The following PSMB7 variants were observed in gnomAD, a reference collection of about 807,000 sequenced individuals.
PSMB7 encodes the protein proteasome 20S subunit beta 7.
Under a neutral mutation model 28.1 loss-of-function variants are expected in PSMB7, and 5 were observed. The ratio of observed to expected loss-of-function variants is 0.18; its 90% CI spans 0.09 to 0.37. The LOEUF (loss-of-function observed/expected upper bound fraction) is 0.37. PSMB7 is among the 10% of genes least tolerant of loss of function. PSMB7 has a pLI of 1.00. For missense variants in PSMB7, 275 were observed against 346.2 expected, an observed-to-expected ratio of 0.79 and a Z score of 1.63; for synonymous variants, 122 against 123.7, an observed-to-expected ratio of 0.99 and a Z score of 0.09.
chr9:124,369,902 G>T (rs981668378), intron 6 of PSMB7, among the ~76,000 whole-genome samples: 1 of 152,156 alleles, frequency 6.6e-6, no homozygotes, highest in Non-Finnish European at 1.5e-5. Context: ...CCACTGTATG[G>T]GTACCGTTCT....
intron 6 of PSMB7, among the ~76,000 whole-genome samples, chr9:124,379,054 A>G (rs1337512979): frequency 6.6e-6 from 1 of 152,216 alleles, no homozygotes; most frequent in Non-Finnish European, 1.5e-5. Flanking sequence ...AACCTCTCAT[A>G]TAACTGACCC....
At chr9:124,410,284 G>T (rs751026416) in intron 4 of PSMB7, among the ~76,000 whole-genome samples, 5 of 152,052 alleles carry the variant, frequency 3.3e-5, no homozygotes, top group African/African-American at 4.8e-5. Flanking sequence ...ATGAGCCACC[G>T]CGCCCAGCCG....
At position 124,412,392 on chromosome 9, in the gene PSMB7, C is replaced by T; in HGVS notation, c.355G>A (p.Val119Ile). The change falls in exon 4 of 8, where the codon GTT (valine) becomes ATT (isoleucine). Residue 119 changes from valine (V) to isoleucine (I), a missense_variant. Val to Ile is a conservative substitution (Grantham distance 29, BLOSUM62 3). Coordinates refer to ENST00000259457, the MANE Select transcript of PSMB7 (RefSeq NM_002799.4). Reference protein sequence around the residue: ...HSLSTGRLPRVVTANRMLKQM... With the variant: ...HSLSTGRLPRIVTANRMLKQM... ...TTCAGCATCCGATTGGCTGTCACAA[C>T]TCTGGGAAGACGGCCAGTGGAGAGG... The T allele has an allele frequency of 3.1e-6, 5 of 1,614,196 alleles. No individual in the cohort carries two copies. The highest frequency in any genetic ancestry group is 4.2e-6 in the Non-Finnish European group (5 of 1,180,018).
At chr9:124,404,018 A>G (rs1483488531) in intron 5 of PSMB7, among the ~76,000 whole-genome samples, 1 of 151,864 alleles carries the variant, frequency 6.6e-6, no homozygotes, top group African/African-American at 2.4e-5. Context: ...CAGGCTCCCA[A>G]GCAACTGGGA....
chr9:124,354,222 A>G (rs542442223), intron 7 of PSMB7, among the ~76,000 whole-genome samples: 2 of 152,366 alleles, frequency 1.3e-5, no homozygotes, highest in South Asian at 2.1e-4. Context: ...ACCACTCTCA[A>G]GTCTCAAGAA....
chr9:124,365,437 G>A (rs1010702774), intron 6 of PSMB7, among the ~76,000 whole-genome samples: 2 of 152,204 alleles, frequency 1.3e-5, no homozygotes, highest in African/African-American at 4.8e-5. Context: ...GGAGAAAGGT[G>A]TGGTCGAGTA....
chr9:124,400,039 C>T (rs2131173750), intron 5 of PSMB7, among the ~76,000 whole-genome samples: 1 of 152,278 alleles, frequency 6.6e-6, no homozygotes, highest in East Asian at 1.9e-4. Flanking sequence ...AAACTCCCAA[C>T]ATCCATCCCT....
At chr9:124,391,786 A>C (rs1318855425) in intron 5 of PSMB7, among the ~76,000 whole-genome samples, 1 of 152,212 alleles carries the variant, frequency 6.6e-6, no homozygotes, top group African/African-American at 2.4e-5. Context: ...GAAATCTGAA[A>C]TTTTACAATC....
At chr9:124,414,141 A>C (rs1831060137) in intron 2 of PSMB7, 136 bp from the exon 3 acceptor site, 1 of 573,596 alleles carries the variant, frequency 1.7e-6, no homozygotes, top group Non-Finnish European at 3.1e-6. Flanking sequence ...ACTCATAGCA[A>C]AAATATTGTG....
chr9:124,356,314 G>GCACA lies in PSMB7; in HGVS notation c.722+446_722+449dup, dbSNP rs142329076. Among the ~76,000 whole-genome samples the GCACA allele has an allele frequency of 6.6e-6, 1 of 152,196 alleles. No homozygotes were observed. The highest frequency in any genetic ancestry group is 1.5e-5 in the Non-Finnish European group (1 of 68,024). ...CAATGGCACAACTCCCTGTAGCACA[G>GCACA]CACACACACACTAGCTCCCAAGGCC... On this transcript the variant is annotated intron_variant, in intron 7 of 7. Coordinates refer to ENST00000259457, the MANE Select transcript of PSMB7 (RefSeq NM_002799.4). The surrounding 1 kb of genome is among the most constrained non-coding windows in gnomAD (Gnocchi z 4.4).
At chr9:124,406,494 T>C (rs1203000012) in intron 4 of PSMB7, among the ~76,000 whole-genome samples, 2 of 116,702 alleles carry the variant, frequency 1.7e-5, no homozygotes, top group African/African-American at 7.2e-5. Flanking sequence ...GCAAGAGTTG[T>C]CTCAAAAAAA....
At chr9:124,371,818 C>T (rs1449599425) in intron 6 of PSMB7, among the ~76,000 whole-genome samples, 1 of 152,218 alleles carries the variant, frequency 6.6e-6, no homozygotes, top group Non-Finnish European at 1.5e-5. Flanking sequence ...GAATTCAACA[C>T]TATCTCTGAA....
chr9:124,374,601 G>A (rs1830590960), intron 6 of PSMB7, among the ~76,000 whole-genome samples: 1 of 152,150 alleles, frequency 6.6e-6, no homozygotes. Flanking sequence ...GAGACAGTCA[G>A]ATCACTGGAG....
intron 1 of PSMB7, 112 bp downstream of exon 1, chr9:124,415,252 G>A (rs1188514724): frequency 1.7e-6 from 2 of 1,206,512 alleles, no homozygotes; most frequent in African/African-American, 1.5e-5. Context: ...GCGGGCCACA[G>A]GCCCCGCCAT....
intron 5 of PSMB7, among the ~76,000 whole-genome samples, chr9:124,402,361 G>A (rs1412889839): frequency 6.6e-6 from 1 of 152,154 alleles, no homozygotes; most frequent in Admixed American, 6.5e-5. Context: ...TCAGCTTTAT[G>A]CTCATGACAC....
intron 5 of PSMB7, among the ~76,000 whole-genome samples, chr9:124,389,126 T>C (rs117889721): frequency 0.02 from 2,996 of 152,300 alleles, 48 homozygotes; most frequent in Middle Eastern, 0.031. Flanking sequence ...TTTACCATAC[T>C]AGGCTGAATA....
intron 6 of PSMB7, among the ~76,000 whole-genome samples, chr9:124,372,590 C>T (rs1216527963): frequency 6.6e-6 from 1 of 152,194 alleles, no homozygotes; most frequent in Non-Finnish European, 1.5e-5. Context: ...CCATCTAACC[C>T]CCTTTTATTT....
chr9:124,365,321 G>A (rs150146118), intron 6 of PSMB7, among the ~76,000 whole-genome samples: 20 of 152,330 alleles, frequency 1.3e-4, no homozygotes, highest in East Asian at 7.7e-4. Flanking sequence ...CACGGGTCTC[G>A]TGGGGTGCAG....
chr9:124,406,964 G>A (rs1830972782), intron 4 of PSMB7, among the ~76,000 whole-genome samples: 1 of 151,958 alleles, frequency 6.6e-6, no homozygotes, highest in Non-Finnish European at 1.5e-5. Context: ...TCCAGCCTGG[G>A]CAACAGAGTG....
Sources: gnomAD v4.1 joint callset for allele counts (sites outside exome capture counted in the v4.1 genomes callset) on GRCh38, gnomAD v4.1.1 for gene constraint, Gnocchi (gnomAD v3.1) non-coding constraint, MANE v1.5 for transcripts, NCBI Gene and HGNC (gene_info 2026-07-23, HGNC 2026-07-21) for gene names.